MAML3: variants seen among roughly 807,000 people sequenced by gnomAD.
MAML3 encodes mastermind like transcriptional coactivator 3, also known as mastermind-like protein 3.
Under a neutral mutation model 101.9 loss-of-function variants are expected in MAML3, and 27 were observed. The ratio of observed to expected loss-of-function variants is 0.27; its 90% CI spans 0.20 to 0.37. MAML3 has a LOEUF of 0.37. Among genes scored for constraint, MAML3 ranks in the 10% least tolerant of loss-of-function variants. The pLI is 1.00. For missense variants in MAML3, 1,316 were observed against 1,444.9 expected, an observed-to-expected ratio of 0.91 and a Z score of 1.45; for synonymous variants, 501 against 555.9, an observed-to-expected ratio of 0.90 and a Z score of 1.39.
At chr4:139,947,307 A>G (rs1733748864) in intron 1 of MAML3, among the ~76,000 whole-genome samples, 1 of 152,194 alleles carries the variant, frequency 6.6e-6, no homozygotes, top group African/African-American at 2.4e-5. Context: ...GGTATTTGCT[A>G]AATGGACATG....
chr4:139,722,178 C>A (rs925390648), intron 4 of MAML3, among the ~76,000 whole-genome samples: 1 of 152,150 alleles, frequency 6.6e-6, no homozygotes, highest in Non-Finnish European at 1.5e-5. Flanking sequence ...AGAAGCGTTA[C>A]AATGCTTTTT....
intron 2 of MAML3, among the ~76,000 whole-genome samples, chr4:139,763,285 G>C (rs770887087): frequency 6.6e-6 from 1 of 152,170 alleles, no homozygotes; most frequent in Non-Finnish European, 1.5e-5. Context: ...TCCTGATAGG[G>C]AATCCTAGAG....
chr4:139,742,191 C>T (rs1418376881), intron 2 of MAML3, among the ~76,000 whole-genome samples: 1 of 149,754 alleles, frequency 6.7e-6, no homozygotes, highest in East Asian at 2.0e-4. Flanking sequence ...CTCTGTCAGC[C>T]AGGCTGAAGT....
At chr4:139,723,107 CTA>C (rs1271102902) in intron 4 of MAML3, among the ~76,000 whole-genome samples, 2 of 152,218 alleles carry the variant, frequency 1.3e-5, no homozygotes, top group African/African-American at 2.4e-5. Context: ...GATATCATAT[CTA>C]TATGAGTGCG....
chr4:139,796,287 T>G (rs1730510015), intron 2 of MAML3, among the ~76,000 whole-genome samples: 1 of 152,188 alleles, frequency 6.6e-6, no homozygotes, highest in Non-Finnish European at 1.5e-5. Context: ...AAGAAGATAT[T>G]TTACACTTCA....
intron 2 of MAML3, among the ~76,000 whole-genome samples, chr4:139,840,681 G>A (rs1211641107): frequency 6.6e-6 from 1 of 152,198 alleles, no homozygotes; most frequent in East Asian, 1.9e-4. Flanking sequence ...GTGGAGGTGG[G>A]GAGGAGCTTT....
rs1039658874 is a variant in MAML3 at position 139,730,523 on chromosome 4, T to C, written c.2224A>G (p.Met742Val). 1 of 1,564,392 alleles carries C rather than the reference T, an allele frequency of 6.4e-7. No homozygotes were observed. Among genetic ancestry groups the C allele is most frequent in the Admixed American group, 1.9e-5 (1 of 51,996 alleles). The change falls in exon 3 of 5, where the codon ATG becomes GTG. Residue 742 changes from methionine to valine, a missense_variant. Coordinates refer to ENST00000509479, the MANE Select transcript of MAML3 (RefSeq NM_018717.5). ...AACTGGGCCCGCTGATCAATGAGCATCTGCTTCATGATGGCTGCTTGGGGC... is the reference window on the plus strand; with the variant it reads ...AACTGGGCCCGCTGATCAATGAGCACCTGCTTCATGATGGCTGCTTGGGGC... ...SQPQAAIMKQ[M>V]LIDQRAQLIE...
chr4:139,831,954 G>A (rs1011257110), intron 2 of MAML3, among the ~76,000 whole-genome samples: 4 of 151,668 alleles, frequency 2.6e-5, no homozygotes, highest in African/African-American at 7.3e-5. Flanking sequence ...CACCACGCCC[G>A]GCTAATTTTT....
At chr4:139,772,221 C>T (rs6815986) in intron 2 of MAML3, among the ~76,000 whole-genome samples, 71,421 of 100,648 alleles carry the variant, frequency 0.71, 25,609 homozygotes, top group African/African-American at 0.82. Context: ...GCCTGGGTGA[C>T]AGAGCGAGAC....
intron 4 of MAML3, among the ~76,000 whole-genome samples, chr4:139,723,201 A>C (rs1232350014): frequency 6.6e-6 from 1 of 152,258 alleles, no homozygotes; most frequent in Non-Finnish European, 1.5e-5. Context: ...ACCCATGTAC[A>C]GTACAATCCC....
At chr4:139,808,968 GAGAA>G (rs1730745793) in intron 2 of MAML3, among the ~76,000 whole-genome samples, 1 of 152,114 alleles carries the variant, frequency 6.6e-6, no homozygotes, top group South Asian at 2.1e-4. Context: ...TTATGAGAGA[GAGAA>G]AGAAAGAATG....
chr4:139,883,076 G>A (rs762570081), intron 2 of MAML3, among the ~76,000 whole-genome samples: 1 of 152,256 alleles, frequency 6.6e-6, no homozygotes, highest in South Asian at 2.1e-4. Context: ...AACACAGAAC[G>A]GTGGTGAAAC....
intron 2 of MAML3, among the ~76,000 whole-genome samples, chr4:139,838,711 G>A (rs565564549): frequency 6.6e-6 from 1 of 152,256 alleles, no homozygotes; most frequent in African/African-American, 2.4e-5. Flanking sequence ...GTTCTGCTAT[G>A]TTTGGGACAA....
chr4:139,936,450 T>C (rs773257385), intron 1 of MAML3, among the ~76,000 whole-genome samples: 4 of 152,236 alleles, frequency 2.6e-5, no homozygotes, highest in Non-Finnish European at 4.4e-5. Flanking sequence ...CTCTTTTTAA[T>C]GTTTTGAGGG....
intron 2 of MAML3, among the ~76,000 whole-genome samples, chr4:139,802,115 G>T (rs72730234): frequency 6.6e-6 from 1 of 152,076 alleles, no homozygotes; most frequent in African/African-American, 2.4e-5. Flanking sequence ...CTAGTGAAGG[G>T]GGAGAGCTCT....
intron 1 of MAML3, among the ~76,000 whole-genome samples, chr4:139,971,384 C>A (rs1016671597): frequency 6.6e-6 from 1 of 152,214 alleles, no homozygotes; most frequent in Non-Finnish European, 1.5e-5. Context: ...CCCTCAAATT[C>A]TTGGCTGCAC....
intron 2 of MAML3, among the ~76,000 whole-genome samples, chr4:139,826,579 A>C (rs1286143700): frequency 6.6e-6 from 1 of 152,172 alleles, no homozygotes; most frequent in Non-Finnish European, 1.5e-5. Context: ...TGGCTCTCAC[A>C]TATTTCGAAT....
At chr4:140,065,428 C>G (rs1425353326) in intron 1 of MAML3, among the ~76,000 whole-genome samples, 12 of 152,156 alleles carry the variant, frequency 7.9e-5, no homozygotes, top group Admixed American at 6.5e-4. Flanking sequence ...ATATAAAACA[C>G]AGCCCATTCT....
At chr4:140,085,919 C>CT (rs1184149486) in intron 1 of MAML3, among the ~76,000 whole-genome samples, 6 of 152,192 alleles carry the variant, frequency 3.9e-5, no homozygotes, top group Non-Finnish European at 8.8e-5. Context: ...TTCTTGGCCT[C>CT]TATCATTTTT....
Sources: gnomAD v4.1 joint callset for allele counts (sites outside exome capture counted in the v4.1 genomes callset) on GRCh38, gnomAD v4.1.1 for gene constraint, MANE v1.5 for transcripts, NCBI Gene and HGNC (gene_info 2026-07-23, HGNC 2026-07-21) for gene names.